The following SGIP1 variants were observed in gnomAD, a reference collection of about 807,000 sequenced individuals.
SGIP1 encodes SH3GL interacting endocytic adaptor 1, also known as SH3-containing GRB2-like protein 3-interacting protein 1.
Under a neutral mutation model 107.5 loss-of-function variants are expected in SGIP1, and 38 were observed. The observed-to-expected ratio is 0.35, with a 90% CI of 0.27 to 0.46. The LOEUF is 0.46. SGIP1 is among the 20% of genes least tolerant of loss of function. The pLI is 1.00. For missense variants in SGIP1, 929 were observed against 1,019.5 expected (o/e 0.91, Z 1.21); for synonymous variants, 365 against 366.1 (o/e 1.00, Z 0.03).
intron 1 of SGIP1, among the ~76,000 whole-genome samples, chr1:66,575,184 A>G (rs549738695): frequency 1.3e-5 from 2 of 152,280 alleles, no homozygotes; most frequent in South Asian, 2.1e-4. Context: ...GTTCATGGAG[A>G]TAACAGCAAA....
intron 1 of SGIP1, among the ~76,000 whole-genome samples, chr1:66,600,080 C>T (rs769195310): frequency 1.3e-5 from 2 of 152,164 alleles, no homozygotes; most frequent in African/African-American, 2.4e-5. Context: ...ACAGCTTTCT[C>T]GGGCTCAGTG....
Position 66,744,431 on chromosome 1 carries a change from A to G in SGIP1, c.*1336A>G, listed in dbSNP as rs2094526471. On this transcript the variant is annotated 3_prime_UTR_variant, in exon 25 of 25. Transcript: ENST00000371037. ...AACTTCTTCGGGAGTCTCAGTTGTA[A>G]AACCTTCCCTCATTAATATCTGAAA... 6.6e-6 allele frequency: 1 copy of G among 152,120 alleles called. No individual in the cohort carries two copies. The highest frequency in any genetic ancestry group is 1.5e-5 in the Non-Finnish European group (1 of 67,952). The allele number at this position is 152,120 out of a possible 1,614,324, so 9.4% of individuals were successfully genotyped here. A position where few individuals can be genotyped will look rare whatever the true frequency, so the allele number is the denominator to read the frequency against.
At chr1:66,586,832 C>A (rs2148819117) in intron 1 of SGIP1, among the ~76,000 whole-genome samples, 1 of 152,060 alleles carries the variant, frequency 6.6e-6, no homozygotes, top group South Asian at 2.1e-4. Flanking sequence ...CTATTTAGAG[C>A]ATCTCCTTTA....
chr1:66,621,025 G>T (rs571513958), intron 1 of SGIP1, among the ~76,000 whole-genome samples: 18 of 152,322 alleles, frequency 1.2e-4, no homozygotes, highest in Non-Finnish European at 2.2e-4. Context: ...GGATGGAGCT[G>T]CTGACTTCAT....
chr1:66,731,703 A>T (rs114655528), intron 20 of SGIP1, among the ~76,000 whole-genome samples: 2,607 of 152,142 alleles, frequency 0.017, 85 homozygotes, highest in African/African-American at 0.06. Context: ...CCAGTTTTTT[A>T]AAAAGGCATT....
chr1:66,724,946 A>T (rs951195748), intron 19 of SGIP1, among the ~76,000 whole-genome samples: 2 of 152,220 alleles, frequency 1.3e-5, no homozygotes, highest in African/African-American at 4.8e-5. Context: ...TAGCTGCCAA[A>T]CAATATTCTA....
chr1:66,664,829 G>T (rs2082204093), intron 8 of SGIP1, among the ~76,000 whole-genome samples: 1 of 152,178 alleles, frequency 6.6e-6, no homozygotes, highest in South Asian at 2.1e-4. Context: ...TCACATGCTA[G>T]TCACTCGTGT....
chr1:66,731,853 A>G (rs2094026462), intron 20 of SGIP1, among the ~76,000 whole-genome samples: 1 of 152,228 alleles, frequency 6.6e-6, no homozygotes, highest in African/African-American at 2.4e-5. Context: ...TCCCTATGAC[A>G]GGGGCCAAAT....
intron 1 of SGIP1, among the ~76,000 whole-genome samples, chr1:66,588,905 C>A (rs919198373): frequency 6.6e-6 from 1 of 150,682 alleles, no homozygotes; most frequent in Admixed American, 6.6e-5. Flanking sequence ...AACATACTGT[C>A]TCCTTGGTTT....
At chr1:66,651,252 GC>G (rs2149578341) in intron 7 of SGIP1, among the ~76,000 whole-genome samples, 1 of 152,304 alleles carries the variant, frequency 6.6e-6, no homozygotes, top group East Asian at 1.9e-4. Flanking sequence ...GAACACGAGT[GC>G]TGTGTGTCAC....
intron 22 of SGIP1, 101 bp downstream of exon 22, chr1:66,739,638 C>A: frequency 8.0e-7 from 1 of 1,250,006 alleles, no homozygotes; most frequent in Non-Finnish European, 1.1e-6. Flanking sequence ...TGACAGCAGG[C>A]CTGTGCATTA....
In SGIP1 at chr1:66,695,462, T is replaced by C. The variant is rs1280172535; in HGVS notation, c.1599T>C (p.Phe533=). The change falls in exon 18 of 25, where the codon TTT becomes TTC. Residue 533 remains phenylalanine, a synonymous_variant. Coordinates refer to ENST00000371037, the MANE Select transcript of SGIP1 (RefSeq NM_032291.4). ...VENEQPSLVW[F]DRGKFYLTFE... ...ATGAACAGCCTTCCCTCGTTTGGTT[T>C]GACAGAGGAAAGTTTTATTTGACTT... 6.2e-7 allele frequency: 1 copy of C among 1,613,950 alleles called. No homozygotes were observed. Among genetic ancestry groups the C allele is most frequent in the African/African-American group, 1.3e-5 (1 of 74,896 alleles).
In SGIP1 at chr1:66,741,260, G is replaced by GT. The variant is rs540315457; in HGVS notation, c.2300-3dup. 2.1e-3 allele frequency: 3,142 copies of GT among 1,477,124 alleles called. 3 individuals are homozygous for GT. The highest frequency in any genetic ancestry group is 6.0e-3 in the South Asian group (467 of 77,608). 91.5% of individuals were successfully genotyped at this position (1,477,124 alleles called of 1,614,324 possible). On this transcript the variant is annotated splice_polypyrimidine_tract_variant and intron_variant, in intron 23 of 24. Transcript: ENST00000371037. ...GTTGACTGTTACCTTGTAATAATGT[G>GT]TTTTTTTTTAGGGGTGGGTTCTTTG...
At chr1:66,624,774 G>A (rs1258496969) in intron 1 of SGIP1, among the ~76,000 whole-genome samples, 2 of 152,128 alleles carry the variant, frequency 1.3e-5, no homozygotes, top group Non-Finnish European at 2.9e-5. Context: ...ATAAGTCTAA[G>A]GTTTGAATAT....
chr1:66,724,625 A>G (rs1302840631), intron 19 of SGIP1, among the ~76,000 whole-genome samples: 1 of 152,156 alleles, frequency 6.6e-6, no homozygotes, highest in Non-Finnish European at 1.5e-5. Flanking sequence ...AGCAGAGGCT[A>G]TTTTGCTCAT....
intron 1 of SGIP1, among the ~76,000 whole-genome samples, chr1:66,600,380 G>GAAGTCATGTCAATGAA (rs2065559348): frequency 6.6e-6 from 1 of 152,152 alleles, no homozygotes; most frequent in Admixed American, 6.5e-5. Flanking sequence ...CCTAGAAATG[G>GAAGTCATGTCAATGAA]AAGTCATGTC....
chr1:66,579,260 T>C (rs190691810), intron 1 of SGIP1, among the ~76,000 whole-genome samples: 1 of 152,300 alleles, frequency 6.6e-6, no homozygotes, highest in African/African-American at 2.4e-5. Context: ...AAGCTACATG[T>C]ACTCAGCCTC....
Position 66,643,653 on chromosome 1 carries a change from G to T in SGIP1, c.393G>T (p.Lys131Asn), listed in dbSNP as rs771713019. 6.2e-7 allele frequency: 1 copy of T among 1,611,926 alleles called. No homozygotes were observed. The highest frequency in any genetic ancestry group is 1.1e-5 in the South Asian group (1 of 90,370). Residue 131 changes from lysine (K) to asparagine (N), a missense_variant, in exon 7 of 25, where the codon AAG becomes AAT. By Grantham distance (94) the Lys-to-Asn change is moderately conservative (BLOSUM62 0). Coordinates refer to ENST00000371037, the MANE Select transcript of SGIP1 (RefSeq NM_032291.4). ...IKPLQSKDILKNAATVDELKA... is the reference protein window; with the variant it reads ...IKPLQSKDILNNAATVDELKA... ...CATTGCAATCTAAAGACATTCTTAA[G>T]AATGCTGCAACTGTAGATGAATTGA...
At position 66,635,971 on chromosome 1, in the gene SGIP1, A is replaced by T. The variant is rs1304237322; in HGVS notation, c.127A>T (p.Asn43Tyr). Residue 43 changes from asparagine to tyrosine, a missense_variant, in exon 4 of 25, where the codon AAT (asparagine) becomes TAT (tyrosine). By Grantham distance (143) the Asn-to-Tyr change is moderately radical (BLOSUM62 -2). Around this residue, in one of 2 missense-constraint regions of SGIP1, gnomAD observed 588 missense variants for 588.6 expected, o/e 1.00. Coordinates refer to ENST00000371037, the MANE Select transcript of SGIP1 (RefSeq NM_032291.4). ...IQPSPHEPPY[N>Y]SKAECAREGG... ...GCCCAGCCCACACGAACCACCCTAC[A>T]ATAGCAAAGCAGAGTGTGCGCGTGA... 1.9e-6 allele frequency: 3 copies of T among 1,613,940 alleles called. No homozygotes were observed. Among genetic ancestry groups the T allele is most frequent in the Non-Finnish European group, 2.5e-6 (3 of 1,179,890 alleles).
Sources: gnomAD v4.1 joint callset for allele counts (sites outside exome capture counted in the v4.1 genomes callset) on GRCh38, gnomAD v4.1.1 for gene constraint, gnomAD v4.1.1 regional missense constraint, MANE v1.5 for transcripts, NCBI Gene and HGNC (gene_info 2026-07-23, HGNC 2026-07-21) for gene names.